CCDC180: variants seen among roughly 807,000 people sequenced by gnomAD.
CCDC180 encodes coiled-coil domain containing 180.
Under a neutral mutation model 209.2 loss-of-function variants are expected in CCDC180, and 154 were observed. The observed-to-expected ratio is 0.74, with a 90% CI of 0.65 to 0.84. CCDC180 has a LOEUF of 0.84. Ranked by LOEUF, CCDC180 falls within the 40% of genes least tolerant of loss-of-function variation. The probability of loss-of-function intolerance (pLI) is 0.00; values close to 1 mark genes in which losing one functional copy is unlikely to be tolerated. For missense variants in CCDC180, 1,874 were observed against 1,997.3 expected, an observed-to-expected ratio of 0.94 and a Z score of 1.18; for synonymous variants, 778 against 749.1, an observed-to-expected ratio of 1.04 and a Z score of -0.63.
chr9:97,307,486 G>A (rs1832831805), upstream of CCDC180: 1 of 598,162 alleles, frequency 1.7e-6, no homozygotes, highest in Non-Finnish European at 3.0e-6. Context: ...TAGGGAGGGG[G>A]ATGGCAGAGG....
chr9:97,345,655 G>A (rs1243258460), intron 19 of CCDC180: 6 of 403,352 alleles, frequency 1.5e-5, no homozygotes, highest in Admixed American at 9.3e-5. Flanking sequence ...AGAGGCTGAA[G>A]CAGGAGAATC....
In CCDC180 at chr9:97,314,865, G is replaced by C. The variant is rs752970011; in HGVS notation, c.714G>C (p.Leu238Phe). 1.2e-6 allele frequency: 2 copies of C among 1,614,002 alleles called. No individual in the cohort carries two copies. The highest frequency in any genetic ancestry group is 4.5e-5 in the East Asian group (2 of 44,882). ...GTCATTTCTAGCTAAAAAGCGTGTT[G>C]AAGAAATATGCAGAAGTCATAGAGA... ...FSRTDKLKSV[L>F]KKYAEVIEKT... Residue 238 changes from leucine to phenylalanine, a missense_variant, in exon 8 of 37, where the codon TTG (leucine) becomes TTC (phenylalanine). Physicochemically the swap from Leu to Phe is conservative, Grantham distance 22. Coordinates refer to ENST00000529487, the MANE Select transcript of CCDC180 (RefSeq NM_020893.6).
chr9:97,349,393 A>G (rs2118814404), intron 21 of CCDC180, 102 bp downstream of exon 21: 1 of 975,416 alleles, frequency 1.0e-6, no homozygotes, highest in East Asian at 2.6e-5. Context: ...ACAAAAGCAG[A>G]AGGCACCTCC....
In CCDC180 at chr9:97,369,941, G is replaced by A; in HGVS notation, c.4209G>A (p.Arg1403=). Residue 1403 remains arginine, a synonymous_variant, in exon 32 of 37, where the codon AGG becomes AGA. Coordinates refer to ENST00000529487, the MANE Select transcript of CCDC180 (RefSeq NM_020893.6). ...SCLIELRIQI[R]RFEELLPQVC... ...TGGCAGAATTACGGATCCAGATCAG[G>A]AGATTTGAGGAGCTGCTGCCCCAAG... The A allele has an allele frequency of 6.2e-7, 1 of 1,614,190 alleles. No homozygotes were observed. The highest frequency in any genetic ancestry group is 2.2e-5 in the East Asian group (1 of 44,890).
In CCDC180 at chr9:97,354,677, C is replaced by G. The variant is rs201121467; in HGVS notation, c.3111C>G (p.Leu1037=). Residue 1037 remains leucine (L), a synonymous_variant, in exon 23 of 37, where the codon CTC becomes CTG. Coordinates refer to ENST00000529487, the MANE Select transcript of CCDC180 (RefSeq NM_020893.6). The part of the protein sequence containing the change: ...RIELVESVIM[L]NMEKLENEYL... ...AGTTGGTTGAAAGTGTCATCATGCT[C>G]AACATGGAGAAGTTGGAGAATGAGT... 1 of 1,614,108 alleles carries G rather than the reference C, an allele frequency of 6.2e-7. No homozygotes were observed. The highest frequency in any genetic ancestry group is 1.3e-5 in the African/African-American group (1 of 74,944).
In CCDC180 at chr9:97,344,918, ATAT is replaced by A. The variant is rs1300798004; in HGVS notation, c.2498+1359_2498+1361del. On this transcript the variant is annotated intron_variant, in intron 19 of 36. Transcript: ENST00000529487. ...ACTCTCTCTTCCCCAAAGATAACAA[ATAT>A]TATAACTTCTGAGTTTATTTTGCTT... 1.2e-4 allele frequency among the ~76,000 whole-genome samples: 19 copies of A among 152,304 alleles called. 1 individual carries two copies. The East Asian group carries it at 3.5e-3, about 28-fold the overall frequency.
At chr9:97,345,721 T>C (rs9696167) in intron 19 of CCDC180, 124,162 of 255,586 alleles carry the variant, frequency 0.49, 32,965 homozygotes, top group African/African-American at 0.73. Context: ...GCTGCACTCC[T>C]GACTGGGAGA....
chr9:97,347,575 C>T (rs890281170), intron 20 of CCDC180, 86 bp downstream of exon 20: 2 of 1,295,604 alleles, frequency 1.5e-6, no homozygotes, highest in Admixed American at 2.1e-5. Context: ...TCATTAGCTG[C>T]CCCAGTTTGT....
At chr9:97,317,913 C>T (rs1184802210) in intron 9 of CCDC180, among the ~76,000 whole-genome samples, 1 of 152,198 alleles carries the variant, frequency 6.6e-6, no homozygotes, top group Non-Finnish European at 1.5e-5. Context: ...AAGTGCCTAT[C>T]TGGGCCTGGC....
At chr9:97,340,904 G>A (rs917836586) in intron 18 of CCDC180, among the ~76,000 whole-genome samples, 18 of 152,298 alleles carry the variant, frequency 1.2e-4, no homozygotes, top group African/African-American at 2.6e-4. Context: ...AGGCCTAACC[G>A]TCTCCCTGTG....
chr9:97,313,423 T>G, intron 5 of CCDC180, 78 bp downstream of exon 5: 1 of 935,332 alleles, frequency 1.1e-6, no homozygotes, highest in Non-Finnish European at 1.7e-6. Flanking sequence ...CCAGCCTTCC[T>G]CCCCCTCTCC....
At chr9:97,338,076 A>G (rs556693597) in intron 18 of CCDC180, among the ~76,000 whole-genome samples, 11 of 151,922 alleles carry the variant, frequency 7.2e-5, no homozygotes, top group Non-Finnish European at 1.6e-4. Context: ...GGCTTGCTAG[A>G]GGTCTGCCAA....
intron 18 of CCDC180, among the ~76,000 whole-genome samples, chr9:97,337,646 A>T (rs554099405): frequency 6.6e-6 from 1 of 152,198 alleles, no homozygotes; most frequent in Non-Finnish European, 1.5e-5. Context: ...TGTCTCTGCC[A>T]GGCTTTGGTA....
Position 97,347,464 on chromosome 9 carries a change from A to C in CCDC180, c.2649A>C (p.Glu883Asp). 6.5e-7 allele frequency: 1 copy of C among 1,536,166 alleles called. No individual in the cohort carries two copies. The highest frequency in any genetic ancestry group is 8.7e-7 in the Non-Finnish European group (1 of 1,146,902). The stretch of plus-strand genomic sequence containing the variant: ...ACCAGCCAAGAGCCCAGCAGATTGA[A>C]AAAGACATCCACAACGTCAGGGCAG... ...HLHQPRAQQIEKDIHNVRAAE... is the reference protein window; with the variant it reads ...HLHQPRAQQIDKDIHNVRAAE... Residue 883 changes from glutamate (E) to aspartate (D), a missense_variant, in exon 20 of 37, where the codon GAA (glutamate) becomes GAC (aspartate). Transcript: ENST00000529487.
intron 18 of CCDC180, among the ~76,000 whole-genome samples, chr9:97,342,919 A>G (rs1826129739): frequency 6.6e-6 from 1 of 152,266 alleles, no homozygotes; most frequent in Non-Finnish European, 1.5e-5. Flanking sequence ...GAATTGCAGA[A>G]GAATCATTTT....
chr9:97,330,878 G>T (rs1420026093), intron 18 of CCDC180, 111 bp downstream of exon 18: 2 of 1,042,218 alleles, frequency 1.9e-6, no homozygotes, highest in Non-Finnish European at 2.8e-6. Context: ...CCATAGAGGT[G>T]CAGAAAGAGA....
In CCDC180 at chr9:97,359,178, A is replaced by G. The variant is rs564955319; in HGVS notation, c.3364-804A>G. Among the ~76,000 whole-genome samples the G allele has an allele frequency of 2.0e-4, 31 of 152,262 alleles. 1 individual carries two copies. The South Asian group carries it at 6.2e-3, about 31-fold the overall frequency. On this transcript the variant is annotated intron_variant, in intron 25 of 36. Transcript: ENST00000529487. ...CCTTATGAGCCCCCTAATGAGGAGC[A>G]GGGGGAAGATGAGGTTAATCAGCTG...
Position 97,361,764 on chromosome 9 carries a change from C to A in CCDC180, c.3522C>A (p.Ile1174=), listed in dbSNP as rs1826759622. ...ILKDQEEDSD[I]LTSSEALEEE... is the part of the protein sequence containing the mutation. ...AGGACCAGGAGGAAGACAGTGACAT[C>A]CTGACATCTTCAGAAGCCCTTGAAG... Residue 1174 remains isoleucine, a synonymous_variant, in exon 27 of 37, where the codon ATC becomes ATA. Transcript: ENST00000529487. 1 of 1,614,162 alleles carries A rather than the reference C, an allele frequency of 6.2e-7. No individual in the cohort carries two copies. The highest frequency in any genetic ancestry group is 2.2e-5 in the East Asian group (1 of 44,882).
chr9:97,313,902 T>G (rs1833070328), intron 5 of CCDC180, among the ~76,000 whole-genome samples: 2 of 152,224 alleles, frequency 1.3e-5, no homozygotes, highest in Non-Finnish European at 2.9e-5. Flanking sequence ...CCCTGAGTCT[T>G]TTCTGACCTG....
Sources: allele counts gnomAD v4.1 joint callset (sites outside exome capture counted in the v4.1 genomes callset), GRCh38; gene constraint gnomAD v4.1.1; transcripts MANE v1.5; gene names NCBI Gene and HGNC (gene_info 2026-07-23, HGNC 2026-07-21).